The following IL33 variants were observed in gnomAD, a reference collection of about 807,000 sequenced individuals.
IL33 encodes interleukin 33.
In IL33, 37 loss-of-function variants were observed where a neutral mutation model predicts 27.3. That is an observed-to-expected ratio of 1.36 (90% CI 1.04 to 1.78). The LOEUF (loss-of-function observed/expected upper bound fraction) is 1.78. Ranked by LOEUF, IL33 falls within the 40% of genes most tolerant of loss-of-function variation. The pLI, the probability that IL33 is intolerant of heterozygous loss-of-function variation, is 0.00. For missense variants in IL33, 406 were observed against 311.4 expected, an observed-to-expected ratio of 1.30 and a Z score of -2.29; for synonymous variants, 132 against 102.9, an observed-to-expected ratio of 1.28 and a Z score of -1.71.
chr9:6,219,421 G>A (rs1818318561), intron 1 of IL33, among the ~76,000 whole-genome samples: 1 of 152,090 alleles, frequency 6.6e-6, no homozygotes, highest in African/African-American at 2.4e-5. Context: ...GCGGACTCCT[G>A]GCACATGCTG....
At chr9:6,236,329 A>G (rs1236097860) in intron 1 of IL33, among the ~76,000 whole-genome samples, 1 of 152,216 alleles carries the variant, frequency 6.6e-6, no homozygotes, top group Admixed American at 6.5e-5. Context: ...ACATAGAAAA[A>G]AGAATGTCAG....
At position 6,254,499 on chromosome 9, in the gene IL33, G is replaced by A. The variant is rs771782279; in HGVS notation, c.558G>A (p.Leu186=). The A allele has an allele frequency of 1.9e-6, 3 of 1,597,954 alleles. No individual in the cohort carries two copies. The highest frequency in any genetic ancestry group is 4.5e-5 in the East Asian group (2 of 44,730). Residue 186 remains leucine, a synonymous_variant, in exon 7 of 8, where the codon CTG becomes CTA. Transcript: ENST00000682010. ...GVDGKMLMVT[L]SPTKDFWLHA... is the part of the protein sequence containing the mutation. The stretch of plus-strand genomic sequence containing the variant: ...ATGGTAAGATGTTAATGGTAACCCT[G>A]AGTCCTACAAAAGACTTCTGGTTGC...
chr9:6,245,879 G>A (rs901411592), intron 2 of IL33, among the ~76,000 whole-genome samples: 1 of 151,674 alleles, frequency 6.6e-6, no homozygotes, highest in Non-Finnish European at 1.5e-5. Context: ...TGGTTAACAC[G>A]GTGAAACCCC....
rs531912187 is a variant in IL33, at chr9:6,229,612, T to C, written c.-11-12072T>C. Among the ~76,000 whole-genome samples the C allele has an allele frequency of 2.0e-5, 3 of 152,336 alleles. No homozygotes were observed. In the East Asian group the frequency reaches 5.8e-4, roughly 29 times the overall value. ...CTACCTCCACTGCTCTGCAGATCTT[T>C]GGGATTTGGGTAGGGTCCCCACATC... is the stretch of plus-strand genomic sequence containing the variant. On this transcript the variant is annotated intron_variant, in intron 1 of 7. Transcript: ENST00000682010.
At chr9:6,217,773 A>G (rs1488685334) in intron 1 of IL33, among the ~76,000 whole-genome samples, 1 of 152,122 alleles carries the variant, frequency 6.6e-6, no homozygotes, top group Non-Finnish European at 1.5e-5. Flanking sequence ...ACACATGAAT[A>G]TATGCCTCCA....
chr9:6,236,018 T>TACACACACACACAC (rs61318432), intron 1 of IL33, among the ~76,000 whole-genome samples: 1 of 139,700 alleles, frequency 7.2e-6, no homozygotes, highest in African/African-American at 2.7e-5. Context: ...CCCACACCCA[T>TACACACACACACAC]ACACACACAC....
intron 2 of IL33, among the ~76,000 whole-genome samples, chr9:6,249,523 T>A (rs1816206728): frequency 6.6e-6 from 1 of 152,244 alleles, no homozygotes; most frequent in Admixed American, 6.5e-5. Context: ...TTAATTTTCT[T>A]TTTGAGACTT....
intron 4 of IL33, among the ~76,000 whole-genome samples, chr9:6,251,521 G>A (rs1264887612): frequency 6.6e-6 from 1 of 151,968 alleles, no homozygotes; most frequent in African/African-American, 2.4e-5. Context: ...GGAATCCCAT[G>A]GTCATTAGTT....
intron 1 of IL33, among the ~76,000 whole-genome samples, chr9:6,223,410 T>C (rs1345009290): frequency 6.6e-6 from 1 of 151,996 alleles, no homozygotes; most frequent in East Asian, 1.9e-4. Flanking sequence ...GAGTTACTTA[T>C]AAGTTTTTAA....
chr9:6,241,870 A>G, intron 2 of IL33, 85 bp downstream of exon 2: 2 of 870,068 alleles, frequency 2.3e-6, no homozygotes, highest in East Asian at 5.4e-5. Flanking sequence ...TATACATGCT[A>G]TCTTATCAAA....
intron 4 of IL33, among the ~76,000 whole-genome samples, 178 bp downstream of exon 4, chr9:6,251,443 G>C (rs887333607): frequency 6.6e-6 from 1 of 152,064 alleles, no homozygotes; most frequent in Non-Finnish European, 1.5e-5. Context: ...CAAGGTAGCT[G>C]TTCTAATAAT....
At chr9:6,227,357 C>T (rs544781355) in intron 1 of IL33, among the ~76,000 whole-genome samples, 3 of 152,262 alleles carry the variant, frequency 2.0e-5, no homozygotes, top group Admixed American at 6.5e-5. Context: ...TGCTAGCCTC[C>T]CATTCATGCC....
chr9:6,236,596 A>G (rs1302208754), intron 1 of IL33, among the ~76,000 whole-genome samples: 1 of 152,232 alleles, frequency 6.6e-6, no homozygotes, highest in African/African-American at 2.4e-5. Flanking sequence ...GGCCGGGTGC[A>G]GTGGCTCACG....
intron 6 of IL33, among the ~76,000 whole-genome samples, chr9:6,253,941 T>C (rs991644803): frequency 6.6e-6 from 1 of 152,206 alleles, no homozygotes; most frequent in African/African-American, 2.4e-5. Context: ...AACATCTACA[T>C]GGTTCAAGAG....
At chr9:6,250,309 T>G (rs914823680) in intron 2 of IL33, among the ~76,000 whole-genome samples, 165 bp from the exon 3 acceptor site, 1 of 152,148 alleles carries the variant, frequency 6.6e-6, no homozygotes, top group African/African-American at 2.4e-5. Flanking sequence ...TATATTACAA[T>G]CCTAAAATCT....
intron 7 of IL33, among the ~76,000 whole-genome samples, chr9:6,255,744 C>T (rs1407380803): frequency 6.6e-6 from 1 of 152,158 alleles, no homozygotes; most frequent in Non-Finnish European, 1.5e-5. Flanking sequence ...CTAATCCATA[C>T]TGCCTCTCTA....
chr9:6,225,878 A>C (rs925226615), intron 1 of IL33, among the ~76,000 whole-genome samples: 5 of 152,252 alleles, frequency 3.3e-5, no homozygotes, highest in Admixed American at 6.5e-5. Context: ...ACATACCACC[A>C]TGCACAGCTA....
At chr9:6,252,835 G>A (rs918601006) in intron 4 of IL33, 31 bp from the exon 5 acceptor site, 15 of 1,589,242 alleles carry the variant, frequency 9.4e-6, no homozygotes, top group East Asian at 2.2e-5. Flanking sequence ...AAAGAATTGT[G>A]CCTGACAAAT....
At chr9:6,248,669 G>A (rs1451517860) in intron 2 of IL33, among the ~76,000 whole-genome samples, 1 of 151,970 alleles carries the variant, frequency 6.6e-6, no homozygotes, top group Non-Finnish European at 1.5e-5. Context: ...CAAACTCCCA[G>A]GCTCAAGCAA....
Sources: gnomAD v4.1 joint callset for allele counts (sites outside exome capture counted in the v4.1 genomes callset) on GRCh38, gnomAD v4.1.1 for gene constraint, MANE v1.5 for transcripts, NCBI Gene and HGNC (gene_info 2026-07-23, HGNC 2026-07-21) for gene names.